The following PALLD variants were observed in gnomAD, a reference collection of about 807,000 sequenced individuals.
The protein encoded by PALLD is palladin.
PALLD carries 61 observed loss-of-function variants against 123.5 expected under a neutral mutation model. That is an observed-to-expected ratio of 0.49 (90% CI 0.40 to 0.61). PALLD has a LOEUF of 0.61. Ranked by LOEUF, PALLD falls within the 20% of genes least tolerant of loss-of-function variation. PALLD has a pLI of 0.00. For synonymous variants in PALLD, 465 were observed against 496.4 expected (o/e 0.94, Z 0.84); for missense variants, 1,273 against 1,377.0 (o/e 0.92, Z 1.20).
intron 10 of PALLD, among the ~76,000 whole-genome samples, chr4:168,863,151 G>T (rs1749744158): frequency 6.6e-6 from 1 of 152,140 alleles, no homozygotes; most frequent in South Asian, 2.1e-4. Context: ...TTTGACGGGG[G>T]ATGATCCTCT....
At chr4:168,547,693 C>T (rs1185496703) in intron 2 of PALLD, among the ~76,000 whole-genome samples, 1 of 151,690 alleles carries the variant, frequency 6.6e-6, no homozygotes, top group African/African-American at 2.4e-5. Context: ...CTCATGCCTG[C>T]AATCCCAGGA....
At chr4:168,550,492 G>A (rs1180227907) in intron 2 of PALLD, among the ~76,000 whole-genome samples, 1 of 151,972 alleles carries the variant, frequency 6.6e-6, no homozygotes, top group African/African-American at 2.4e-5. Context: ...AAGCAAAAGG[G>A]GCATTTTTGG....
At chr4:168,813,988 CA>C (rs1741557207) in intron 10 of PALLD, among the ~76,000 whole-genome samples, 1 of 152,084 alleles carries the variant, frequency 6.6e-6, no homozygotes, top group African/African-American at 2.4e-5. Context: ...GGAGGAATTT[CA>C]GTGATGGGAA....
chr4:168,747,275 C>G (rs563755441), intron 10 of PALLD, among the ~76,000 whole-genome samples: 1 of 152,324 alleles, frequency 6.6e-6, no homozygotes, highest in East Asian at 1.9e-4. Context: ...GACAGCATGT[C>G]TAGGACATTA....
chr4:168,615,063 G>T (rs2149780417), intron 2 of PALLD, among the ~76,000 whole-genome samples: 1 of 152,122 alleles, frequency 6.6e-6, no homozygotes, highest in Non-Finnish European at 1.5e-5. Context: ...AAAGAAATAG[G>T]CTAAGGGAAT....
At chr4:168,800,792 C>T (rs149809276) in intron 10 of PALLD, among the ~76,000 whole-genome samples, 46 of 152,228 alleles carry the variant, frequency 3.0e-4, no homozygotes, top group African/African-American at 9.4e-4. Flanking sequence ...CATACGTGCA[C>T]CCAGAGACAC....
chr4:168,578,487 C>T (rs1039312937), intron 2 of PALLD, among the ~76,000 whole-genome samples: 2 of 152,020 alleles, frequency 1.3e-5, no homozygotes, highest in Non-Finnish European at 2.9e-5. Flanking sequence ...TGAAGAAGGA[C>T]ATGTTTGCTT....
Position 168,926,238 on chromosome 4 carries a change from C to T in PALLD, c.*58C>T. ...CCCAGTGGCATCAGCAGTCACAGAG[C>T]ACCAAGCCAAAAAAAGTACGGCCCT... On this transcript the variant is annotated 3_prime_UTR_variant, in exon 22 of 22. Transcript: ENST00000505667. The T allele has an allele frequency of 6.5e-7, 1 of 1,536,132 alleles. No individual in the cohort carries two copies.
chr4:168,778,115 C>A (rs1431040751), intron 10 of PALLD, among the ~76,000 whole-genome samples: 1 of 152,166 alleles, frequency 6.6e-6, no homozygotes, highest in African/African-American at 2.4e-5. Flanking sequence ...GAACCAAAGG[C>A]AGGACAGCTT....
chr4:168,918,192 A>G (rs1327561555), intron 17 of PALLD, among the ~76,000 whole-genome samples: 2 of 146,806 alleles, frequency 1.4e-5, no homozygotes, highest in Non-Finnish European at 3.0e-5. Flanking sequence ...CTCCCCCACA[A>G]AAAAAAAAAA....
At chr4:168,708,973 A>C in intron 8 of PALLD, 55 bp from the exon 9 acceptor site, 1 of 1,580,526 alleles carries the variant, frequency 6.3e-7, no homozygotes, top group East Asian at 2.2e-5. Context: ...CTCACTTCTT[A>C]AAAGTGACTT....
intron 10 of PALLD, among the ~76,000 whole-genome samples, chr4:168,785,894 T>C (rs1478112420): frequency 7.3e-6 from 1 of 136,968 alleles, no homozygotes; most frequent in Non-Finnish European, 1.6e-5. Flanking sequence ...TAAGCCCAAC[T>C]TGAAGAAAGT....
At chr4:168,571,145 C>T (rs757648425) in intron 2 of PALLD, among the ~76,000 whole-genome samples, 16 of 152,226 alleles carry the variant, frequency 1.1e-4, no homozygotes, top group East Asian at 3.9e-4. Flanking sequence ...TCCTAACCAC[C>T]GTTGCCTTCT....
chr4:168,643,062 C>G (rs1777112111), intron 2 of PALLD, among the ~76,000 whole-genome samples: 1 of 152,152 alleles, frequency 6.6e-6, no homozygotes, highest in Admixed American at 6.5e-5. Context: ...TTACATTGTG[C>G]TGAAAGAAAC....
intron 5 of PALLD, among the ~76,000 whole-genome samples, chr4:168,684,500 G>A (rs926850339): frequency 6.6e-6 from 1 of 152,136 alleles, no homozygotes; most frequent in African/African-American, 2.4e-5. Context: ...CCTTCAAGCC[G>A]AGTTTCTTCA....
chr4:168,704,983 T>G (rs186000302), intron 8 of PALLD, among the ~76,000 whole-genome samples: 1 of 152,170 alleles, frequency 6.6e-6, no homozygotes, highest in Admixed American at 6.6e-5. Flanking sequence ...AACTTTTAAT[T>G]TTTAATTGCC....
At chr4:168,650,364 G>C (rs529541137) in intron 2 of PALLD, among the ~76,000 whole-genome samples, 1 of 152,136 alleles carries the variant, frequency 6.6e-6, no homozygotes, top group South Asian at 2.1e-4. Flanking sequence ...AACCACGATG[G>C]TATAGAATAG....
intron 10 of PALLD, among the ~76,000 whole-genome samples, chr4:168,769,418 G>A (rs998968538): frequency 2.0e-5 from 3 of 152,196 alleles, no homozygotes; most frequent in Non-Finnish European, 2.9e-5. Context: ...TTGAAAGGTT[G>A]AGATGGAGAG....
chr4:168,661,732 T>G (rs775262269), intron 2 of PALLD, among the ~76,000 whole-genome samples: 1 of 152,226 alleles, frequency 6.6e-6, no homozygotes, highest in African/African-American at 2.4e-5. Context: ...AAAACATGTG[T>G]CTATCCATAG....
Sources: allele counts gnomAD v4.1 joint callset (sites outside exome capture counted in the v4.1 genomes callset), GRCh38; gene constraint gnomAD v4.1.1; transcripts MANE v1.5; gene names NCBI Gene and HGNC (gene_info 2026-07-23, HGNC 2026-07-21).